The following PRDM5 variants were observed in gnomAD, a reference collection of about 807,000 sequenced individuals.
PRDM5 encodes the protein PR domain zinc finger protein 5.
In PRDM5, 56 loss-of-function variants were observed where a neutral mutation model predicts 81.2. That is an observed-to-expected ratio of 0.69 (90% confidence interval 0.56 to 0.86). The LOEUF (loss-of-function observed/expected upper bound fraction) is 0.86, where lower values mean the gene tolerates loss of function less well. Among genes scored for constraint, PRDM5 ranks in the 40% least tolerant of loss-of-function variants. The pLI, the probability that PRDM5 is intolerant of heterozygous loss-of-function variation, is 0.00. For missense variants in PRDM5, 697 were observed against 770.1 expected, an observed-to-expected ratio of 0.91 and a Z score of 1.12; for synonymous variants, 267 against 256.4, an observed-to-expected ratio of 1.04 and a Z score of -0.39.
intron 3 of PRDM5, among the ~76,000 whole-genome samples, chr4:120,834,445 C>T (rs1479462400): frequency 2.0e-5 from 3 of 152,084 alleles, no homozygotes; most frequent in Non-Finnish European, 1.5e-5. Flanking sequence ...GAAGCAGGCC[C>T]TCGTCAGACA....
intron 2 of PRDM5, among the ~76,000 whole-genome samples, chr4:120,907,226 C>T (rs1005168107): frequency 1.3e-5 from 2 of 151,144 alleles, no homozygotes; most frequent in South Asian, 4.2e-4. Flanking sequence ...CCCAGCTACT[C>T]GGGAGACTAA....
chr4:120,791,880 C>T (rs988710825), intron 10 of PRDM5, among the ~76,000 whole-genome samples: 1 of 152,228 alleles, frequency 6.6e-6, no homozygotes, highest in Non-Finnish European at 1.5e-5. Context: ...TGCACTCCCT[C>T]TTTCTCCCTC....
chr4:120,706,342 G>C (rs1301831279), intron 15 of PRDM5, among the ~76,000 whole-genome samples: 1 of 152,102 alleles, frequency 6.6e-6, no homozygotes, highest in Non-Finnish European at 1.5e-5. Context: ...CCCATATGAG[G>C]ACCTTAACTA....
At chr4:120,864,299 G>C (rs1240092782) in intron 2 of PRDM5, among the ~76,000 whole-genome samples, 1 of 152,140 alleles carries the variant, frequency 6.6e-6, no homozygotes, top group Admixed American at 6.6e-5. Context: ...ATAAGGATGG[G>C]AAGTACGATC....
intron 3 of PRDM5, among the ~76,000 whole-genome samples, chr4:120,842,553 T>C (rs1758150491): frequency 6.6e-6 from 1 of 152,200 alleles, no homozygotes; most frequent in Non-Finnish European, 1.5e-5. Context: ...AAATTCAGCC[T>C]AGTGATAGAG....
chr4:120,859,387 TA>T (rs148322746), intron 2 of PRDM5, among the ~76,000 whole-genome samples: 18,263 of 151,924 alleles, frequency 0.12, 1,306 homozygotes, highest in East Asian at 0.17. Flanking sequence ...GCCCGGCTAA[TA>T]ATTTTATTTT....
chr4:120,702,511 TTATTTTTTTATGTCTGTC>T (rs1397301635), intron 15 of PRDM5, among the ~76,000 whole-genome samples: 4 of 152,210 alleles, frequency 2.6e-5, no homozygotes, highest in African/African-American at 9.6e-5. Flanking sequence ...ATGATTTGCG[TTATTTTTTTATGTCTGTC>T]TCCTTGCTAA....
chr4:120,840,640 C>G (rs1034592221), intron 3 of PRDM5, among the ~76,000 whole-genome samples: 2 of 152,120 alleles, frequency 1.3e-5, no homozygotes, highest in Admixed American at 6.5e-5. Flanking sequence ...CCAGGCCCAG[C>G]TTCATCTCAG....
chr4:120,850,566 T>C (rs1235574363), intron 3 of PRDM5, among the ~76,000 whole-genome samples: 1 of 152,144 alleles, frequency 6.6e-6, no homozygotes, highest in Non-Finnish European at 1.5e-5. Flanking sequence ...ACTGCATCCC[T>C]ATTAAGAAAG....
At chr4:120,897,713 G>A (rs566122554) in intron 2 of PRDM5, among the ~76,000 whole-genome samples, 2 of 151,782 alleles carry the variant, frequency 1.3e-5, no homozygotes, top group South Asian at 2.1e-4. Flanking sequence ...CTTTTGCTTT[G>A]TCATACCTAC....
intron 2 of PRDM5, among the ~76,000 whole-genome samples, chr4:120,903,113 C>T (rs1049571655): frequency 2.0e-5 from 3 of 152,188 alleles, no homozygotes; most frequent in Non-Finnish European, 2.9e-5. Flanking sequence ...CAGACACTAC[C>T]ACCAGGTTCT....
At chr4:120,890,620 A>C (rs1045915706) in intron 2 of PRDM5, among the ~76,000 whole-genome samples, 1 of 151,962 alleles carries the variant, frequency 6.6e-6, no homozygotes, top group African/African-American at 2.4e-5. Context: ...CCACAACCTC[A>C]CCAGCATGTT....
chr4:120,911,179 A>T (rs138843550), intron 1 of PRDM5, among the ~76,000 whole-genome samples: 141 of 152,256 alleles, frequency 9.3e-4, no homozygotes, highest in African/African-American at 3.1e-3. Flanking sequence ...CCACCTAAAA[A>T]CTTTTCCACT....
intron 14 of PRDM5, among the ~76,000 whole-genome samples, chr4:120,720,705 C>T (rs1001295827): frequency 1.3e-5 from 2 of 152,082 alleles, no homozygotes; most frequent in East Asian, 1.9e-4. Flanking sequence ...TTTTATTCAC[C>T]GTCTTATTTT....
chr4:120,689,960 T>A (rs1019171749), downstream of PRDM5, among the ~76,000 whole-genome samples: 14 of 152,072 alleles, frequency 9.2e-5, no homozygotes, highest in African/African-American at 3.4e-4. Flanking sequence ...AAAGGACCCA[T>A]CAGTTTGCCA....
chr4:120,902,666 C>T (rs552752203), intron 2 of PRDM5, among the ~76,000 whole-genome samples: 1 of 152,250 alleles, frequency 6.6e-6, no homozygotes, highest in South Asian at 2.1e-4. Context: ...TCTGCTTAAG[C>T]ACTTAATTTT....
chr4:120,854,407 A>G (rs1759635899), intron 2 of PRDM5, among the ~76,000 whole-genome samples: 1 of 152,208 alleles, frequency 6.6e-6, no homozygotes, highest in South Asian at 2.1e-4. Context: ...GTGAGTGATT[A>G]GCACTCCATA....
At chr4:120,824,202 GACTCA>G (rs1755658324) in intron 3 of PRDM5, among the ~76,000 whole-genome samples, 1 of 152,138 alleles carries the variant, frequency 6.6e-6, no homozygotes, top group Non-Finnish European at 1.5e-5. Context: ...AATGCTCTGG[GACTCA>G]GTATCAGCTT....
intron 2 of PRDM5, among the ~76,000 whole-genome samples, chr4:120,873,758 A>C (rs1762077535): frequency 6.6e-6 from 1 of 152,172 alleles, no homozygotes; most frequent in African/African-American, 2.4e-5. Flanking sequence ...CTTTTTCCCC[A>C]CTAGGGGCTT....
Sources: gnomAD v4.1 joint callset for allele counts (sites outside exome capture counted in the v4.1 genomes callset) on GRCh38, gnomAD v4.1.1 for gene constraint, MANE v1.5 for transcripts, NCBI Gene and HGNC (gene_info 2026-07-23, HGNC 2026-07-21) for gene names.